The following BIRC6 variants were observed in gnomAD, a reference collection of about 807,000 sequenced individuals.
The protein encoded by BIRC6 is dual E2 ubiquitin-conjugating enzyme/E3 ubiquitin-protein ligase BIRC6.
Under a neutral mutation model 503.3 loss-of-function variants are expected in BIRC6, and 98 were observed. That is an observed-to-expected ratio of 0.19 (90% CI 0.17 to 0.23). BIRC6 has a LOEUF of 0.23. Ranked by LOEUF, BIRC6 falls within the 10% of genes least tolerant of loss-of-function variation. The pLI is 1.00. For synonymous variants in BIRC6, 2,240 were observed against 2,078.7 expected (o/e 1.08, Z -2.11); for missense variants, 5,360 against 5,806.0 (o/e 0.92, Z 2.50).
intron 65 of BIRC6, chr2:32,558,551 A>C (rs998322966): frequency 6.6e-6 from 1 of 152,222 alleles, no homozygotes; most frequent in Admixed American, 6.5e-5. Flanking sequence ...TCTTAATAAA[A>C]GATTTATTTC....
At chr2:32,534,810 C>CT (rs2057085143) in intron 61 of BIRC6, among the ~76,000 whole-genome samples, 1 of 146,970 alleles carries the variant, frequency 6.8e-6, no homozygotes, top group Non-Finnish European at 1.5e-5. Context: ...AACATAAGAG[C>CT]TGTATGGACT....
chr2:32,469,760 C>T (rs1406771607), intron 30 of BIRC6, 146 bp downstream of exon 30: 1 of 720,240 alleles, frequency 1.4e-6, no homozygotes, highest in African/African-American at 1.8e-5. Flanking sequence ...CAGTGAAGGG[C>T]ACCAGCACTG....
intron 6 of BIRC6, among the ~76,000 whole-genome samples, chr2:32,399,402 T>TA: frequency 6.6e-6 from 1 of 152,230 alleles, no homozygotes; most frequent in East Asian, 1.9e-4. Flanking sequence ...ATTTTTTAGA[T>TA]ACGGGGTCTT....
At chr2:32,526,891 A>G (rs1257222944) in intron 59 of BIRC6, 1 of 152,320 alleles carries the variant, frequency 6.6e-6, no homozygotes, top group Non-Finnish European at 1.5e-5. Context: ...GATGATCAGG[A>G]AGCAATGGAG....
intron 55 of BIRC6, 61 bp from the exon 56 acceptor site, chr2:32,518,193 T>C: frequency 6.9e-7 from 1 of 1,452,428 alleles, no homozygotes; most frequent in African/African-American, 1.4e-5. Context: ...TTTTTATCTT[T>C]CAAAATAAAA....
chr2:32,450,949 TTC>T (rs1442913333), intron 22 of BIRC6, among the ~76,000 whole-genome samples: 2 of 152,200 alleles, frequency 1.3e-5, no homozygotes, highest in Non-Finnish European at 2.9e-5. Flanking sequence ...CCTGAATATT[TTC>T]TGTCTGTAGT....
At position 32,545,574 on chromosome 2, in the gene BIRC6, C is replaced by A. The variant is rs1048170663; in HGVS notation, c.12593-69C>A. On this transcript the variant is annotated intron_variant, in intron 62 of 73. Transcript: ENST00000421745. Reference sequence around the variant, plus strand: ...TTACAGTGTCATTATTAATTTATGACCCTGTATGTAACTTCTTATGTGTTT... The same window carrying A: ...TTACAGTGTCATTATTAATTTATGAACCTGTATGTAACTTCTTATGTGTTT... The A allele has an allele frequency of 1.6e-5, 21 of 1,282,766 alleles. 1 individual carries two copies. The Middle Eastern group carries it at 7.7e-4, about 47-fold the overall frequency. The allele number at this position is 1,282,766 out of a possible 1,614,324, so 79.5% of individuals were successfully genotyped here. A position where few individuals can be genotyped will look rare whatever the true frequency, so the allele number is the denominator to read the frequency against.
intron 61 of BIRC6, among the ~76,000 whole-genome samples, chr2:32,542,051 T>C (rs561286711): frequency 6.6e-6 from 1 of 152,248 alleles, no homozygotes; most frequent in Admixed American, 6.5e-5. Context: ...TTCTGCTATC[T>C]TTATTTATCT....
At chr2:32,616,986 C>T (rs2063288227) in intron 73 of BIRC6, among the ~76,000 whole-genome samples, 1 of 152,138 alleles carries the variant, frequency 6.6e-6, no homozygotes, top group South Asian at 2.1e-4. Flanking sequence ...GTCCCAACTA[C>T]TTGGGAGGCT....
chr2:32,531,221 A>G, intron 60 of BIRC6, 134 bp from the exon 61 acceptor site: 3 of 700,410 alleles, frequency 4.3e-6, no homozygotes, highest in Non-Finnish European at 6.9e-6. Context: ...TAATACAGCT[A>G]TATCTAAATA....
At chr2:32,544,103 G>C (rs2057880166) in intron 62 of BIRC6, among the ~76,000 whole-genome samples, 1 of 152,140 alleles carries the variant, frequency 6.6e-6, no homozygotes, top group Non-Finnish European at 1.5e-5. Context: ...TAAGTTAGCA[G>C]ATGAAAATTT....
At chr2:32,482,920 G>GT (rs781690700) in intron 39 of BIRC6, among the ~76,000 whole-genome samples, 5,537 of 142,330 alleles carry the variant, frequency 0.039, 112 homozygotes, top group Middle Eastern at 0.062. Context: ...TATTTTTGCA[G>GT]TTTTTTTTTT....
At position 32,569,519 on chromosome 2, in the gene BIRC6, C is replaced by T. The variant is rs144119547; in HGVS notation, c.13145-5637C>T. Among the ~76,000 whole-genome samples, 1,341 of 152,220 alleles carry T rather than the reference C, an allele frequency of 8.8e-3. 10 individuals carry two copies. Among genetic ancestry groups the T allele is most frequent in the Middle Eastern group, 0.02 (6 of 294 alleles). On this transcript the variant is annotated intron_variant, in intron 65 of 73. Transcript: ENST00000421745. The stretch of plus-strand genomic sequence containing the variant: ...AAGTAGCTGGGACTACAGGAATGAA[C>T]CACCACACCTGACTAATTTCCTTTT...
intron 17 of BIRC6, 70 bp from the exon 18 acceptor site, chr2:32,441,995 C>A: frequency 1.7e-6 from 2 of 1,170,174 alleles, no homozygotes; most frequent in Non-Finnish European, 2.3e-6. Flanking sequence ...ATTGCCTTTC[C>A]AGCCAGGTTG....
chr2:32,546,085 C>T lies in BIRC6; in HGVS notation c.12810+225C>T, dbSNP rs146616926. On this transcript the variant is annotated intron_variant, in intron 63 of 73. Coordinates refer to ENST00000421745, the MANE Select transcript of BIRC6 (RefSeq NM_016252.4). ...ACTTGAAAAGCAGAAAAGATTTAAG[C>T]GCTTAATAAGCTTTCCCATTTACCA... is the stretch of plus-strand genomic sequence containing the variant. Among the ~76,000 whole-genome samples, 287 of 152,226 alleles carry T rather than the reference C, an allele frequency of 1.9e-3. 2 individuals are homozygous for T. The highest frequency in any genetic ancestry group is 3.0e-3 in the Non-Finnish European group (201 of 68,012).
At chr2:32,589,168 A>G (rs2061248316) in intron 66 of BIRC6, among the ~76,000 whole-genome samples, 1 of 152,216 alleles carries the variant, frequency 6.6e-6, no homozygotes, top group Non-Finnish European at 1.5e-5. Context: ...GAATAAAAAA[A>G]TCTTATTTGC....
intron 10 of BIRC6, among the ~76,000 whole-genome samples, chr2:32,416,881 A>G (rs2042433114): frequency 1.4e-5 from 2 of 144,818 alleles, no homozygotes; most frequent in Non-Finnish European, 3.0e-5. Flanking sequence ...TTGTTGCCCA[A>G]GCTGAAGTGC....
intron 6 of BIRC6, among the ~76,000 whole-genome samples, chr2:32,396,095 AAAT>A (rs1321052170): frequency 1.3e-5 from 2 of 152,202 alleles, no homozygotes; most frequent in Non-Finnish European, 1.5e-5. Flanking sequence ...TTATTAATAG[AAAT>A]AATAGTATAT....
chr2:32,495,815 T>C (rs1281259326), intron 45 of BIRC6, among the ~76,000 whole-genome samples: 2 of 116,308 alleles, frequency 1.7e-5, no homozygotes, highest in Non-Finnish European at 3.6e-5. Flanking sequence ...TTTTTTTGCC[T>C]GTGGATGTCC....
Sources: gnomAD v4.1 joint callset for allele counts (sites outside exome capture counted in the v4.1 genomes callset) on GRCh38, gnomAD v4.1.1 for gene constraint, MANE v1.5 for transcripts, NCBI Gene and HGNC (gene_info 2026-07-23, HGNC 2026-07-21) for gene names.